The following PPM1E variants were observed in gnomAD, a reference collection of about 807,000 sequenced individuals.
The protein encoded by PPM1E is protein phosphatase, Mg2+/Mn2+ dependent 1E, also known as protein phosphatase 1E.
A neutral mutation model predicts 65.9 loss-of-function variants in PPM1E; 20 were observed. The observed-to-expected ratio is 0.30, with a 90% CI of 0.21 to 0.44. The LOEUF (loss-of-function observed/expected upper bound fraction) is 0.44. Among genes scored for constraint, PPM1E ranks in the 20% least tolerant of loss-of-function variants. PPM1E has a pLI of 1.00. For missense variants in PPM1E, 713 were observed against 953.1 expected (o/e 0.75, Z 3.32); for synonymous variants, 352 against 374.9 (o/e 0.94, Z 0.70).
intron 1 of PPM1E, among the ~76,000 whole-genome samples, chr17:58,860,960 A>G (rs560606229): frequency 1.8e-4 from 28 of 152,220 alleles, no homozygotes; most frequent in Middle Eastern, 3.4e-3. Context: ...AAAAAAGCTA[A>G]CATACTGGTT....
At chr17:58,821,332 G>C (rs980065121) in intron 1 of PPM1E, among the ~76,000 whole-genome samples, 1 of 152,100 alleles carries the variant, frequency 6.6e-6, no homozygotes, top group Admixed American at 6.6e-5. Context: ...GGATGGTCTC[G>C]ATCTCCTGAC....
intron 1 of PPM1E, among the ~76,000 whole-genome samples, chr17:58,817,045 T>C (rs775572994): frequency 4.6e-5 from 7 of 151,754 alleles, no homozygotes; most frequent in Non-Finnish European, 8.8e-5. Flanking sequence ...CTGCTTGCCT[T>C]GGCCTCCCAA....
chr17:58,800,882 TTTTGGC>T (rs1304780048), intron 1 of PPM1E, among the ~76,000 whole-genome samples: 1 of 152,148 alleles, frequency 6.6e-6, no homozygotes, highest in African/African-American at 2.4e-5. Flanking sequence ...AAGAACCAAC[TTTTGGC>T]TTTATTAATT....
intron 1 of PPM1E, among the ~76,000 whole-genome samples, chr17:58,862,687 A>G (rs941330848): frequency 1.3e-5 from 2 of 152,188 alleles, no homozygotes; most frequent in African/African-American, 2.4e-5. Flanking sequence ...CAATGATTGT[A>G]TATCTATATA....
At chr17:58,898,552 CTG>C (rs1160014868) in intron 1 of PPM1E, among the ~76,000 whole-genome samples, 3 of 152,170 alleles carry the variant, frequency 2.0e-5, no homozygotes, top group African/African-American at 7.2e-5. Context: ...TGCTTTTACA[CTG>C]TTGGTGGGAG....
intron 1 of PPM1E, among the ~76,000 whole-genome samples, chr17:58,771,605 G>A (rs2049939546): frequency 6.7e-6 from 1 of 150,304 alleles, no homozygotes; most frequent in Non-Finnish European, 1.5e-5. Context: ...CCTGGCAACA[G>A]AGTGAGACTC....
At position 58,982,721 on chromosome 17, in the gene PPM1E, C is replaced by T; in HGVS notation, c.*1690C>T. 1.9e-6 allele frequency: 1 copy of T among 518,524 alleles called. No individual in the cohort carries two copies. The highest frequency in any genetic ancestry group is 3.4e-6 in the Non-Finnish European group (1 of 293,110). 32.1% of individuals were successfully genotyped at this position (518,524 alleles called of 1,614,324 possible). A position where few individuals can be genotyped will look rare whatever the true frequency, so the allele number is the denominator to read the frequency against. ...TAGAGACTTTCAGTATTTGTTTTCT[C>T]TTGATTTTGAAGTCATTTCTTCTTC... On this transcript the variant is annotated 3_prime_UTR_variant, in exon 7 of 7. Transcript: ENST00000308249.
At chr17:58,805,459 A>G (rs1265569200) in intron 1 of PPM1E, among the ~76,000 whole-genome samples, 2 of 152,140 alleles carry the variant, frequency 1.3e-5, no homozygotes, top group Non-Finnish European at 2.9e-5. Flanking sequence ...CATGTTGGTC[A>G]GGCTGGTCTC....
At chr17:58,922,264 T>C (rs759131791) in intron 1 of PPM1E, among the ~76,000 whole-genome samples, 3 of 151,968 alleles carry the variant, frequency 2.0e-5, no homozygotes, top group Non-Finnish European at 4.4e-5. Context: ...CAAGTCATTA[T>C]GTTTGAGTTT....
chr17:58,879,158 T>G (rs981316091), intron 1 of PPM1E, among the ~76,000 whole-genome samples: 1 of 152,000 alleles, frequency 6.6e-6, no homozygotes, highest in African/African-American at 2.4e-5. Context: ...GATCTTAATC[T>G]CATAGTCTAT....
chr17:58,764,227 C>T (rs536129519), intron 1 of PPM1E, among the ~76,000 whole-genome samples: 36 of 151,874 alleles, frequency 2.4e-4, no homozygotes, highest in Non-Finnish European at 4.7e-4. Context: ...TTATATGGGG[C>T]TAATGGCTAC....
chr17:58,810,430 C>A (rs970009579), intron 1 of PPM1E, among the ~76,000 whole-genome samples: 6 of 151,958 alleles, frequency 3.9e-5, no homozygotes, highest in African/African-American at 1.5e-4. Flanking sequence ...TGGTCTCAAT[C>A]TCCTGACCTT....
chr17:58,950,609 A>G (rs935503405), intron 1 of PPM1E, among the ~76,000 whole-genome samples: 2 of 151,742 alleles, frequency 1.3e-5, no homozygotes, highest in Non-Finnish European at 2.9e-5. Flanking sequence ...TGCTGTTTTC[A>G]TTCTTTTTTC....
intron 1 of PPM1E, among the ~76,000 whole-genome samples, chr17:58,875,920 A>G (rs1483637152): frequency 6.6e-6 from 1 of 152,196 alleles, no homozygotes; most frequent in Non-Finnish European, 1.5e-5. Flanking sequence ...TGAGAGATAT[A>G]GTACAAAGAC....
At chr17:58,844,999 A>G (rs1301781903) in intron 1 of PPM1E, among the ~76,000 whole-genome samples, 5 of 152,222 alleles carry the variant, frequency 3.3e-5, no homozygotes, top group Non-Finnish European at 7.3e-5. Context: ...CTGGCTTCTC[A>G]TATATATTGC....
intron 1 of PPM1E, among the ~76,000 whole-genome samples, chr17:58,946,806 C>T (rs921668859): frequency 6.6e-6 from 1 of 152,086 alleles, no homozygotes; most frequent in Non-Finnish European, 1.5e-5. Flanking sequence ...ATTTGTGATA[C>T]AAAAGTTTTA....
rs3034940 is a variant in PPM1E at position 58,789,740 on chromosome 17, T to TTATA, written c.464+33298_464+33301dup. On this transcript the variant is annotated intron_variant, in intron 1 of 6. Transcript: ENST00000308249. ...TATATGGATCACATCTGAGAGTCAT[T>TTATA]TATATATATATATATATATATAAAA... Among the ~76,000 whole-genome samples the TTATA allele has an allele frequency of 1.8e-4, 26 of 145,810 alleles. No homozygotes were observed. In the South Asian group the frequency reaches 2.6e-3, roughly 15 times the overall value.
At chr17:58,838,231 G>A (rs1330457535) in intron 1 of PPM1E, among the ~76,000 whole-genome samples, 1 of 152,108 alleles carries the variant, frequency 6.6e-6, no homozygotes, top group Non-Finnish European at 1.5e-5. Context: ...ACAGTAAAGG[G>A]AGTTAAAAGG....
chr17:58,820,452 T>C (rs1240097375), intron 1 of PPM1E, among the ~76,000 whole-genome samples: 1 of 152,160 alleles, frequency 6.6e-6, no homozygotes, highest in Non-Finnish European at 1.5e-5. Flanking sequence ...TAATAATACA[T>C]GTGATGTGCT....
Sources: allele counts gnomAD v4.1 joint callset (sites outside exome capture counted in the v4.1 genomes callset), GRCh38; gene constraint gnomAD v4.1.1; transcripts MANE v1.5; gene names NCBI Gene and HGNC (gene_info 2026-07-23, HGNC 2026-07-21).